Variants in SV2C observed in about 807,000 individuals in gnomAD.
The protein encoded by SV2C is synaptic vesicle glycoprotein 2C.
In SV2C, 49 loss-of-function variants were observed where a neutral mutation model predicts 79.7. The observed-to-expected ratio is 0.61, with a 90% confidence interval of 0.49 to 0.78. The LOEUF (loss-of-function observed/expected upper bound fraction) is 0.78. Among genes scored for constraint, SV2C ranks in the 30% least tolerant of loss-of-function variants. SV2C has a pLI of 0.00. For missense variants in SV2C, 833 were observed against 912.9 expected, an observed-to-expected ratio of 0.91 and a Z score of 1.13; for synonymous variants, 334 against 333.2, an observed-to-expected ratio of 1.00 and a Z score of -0.03.
intron 2 of SV2C, among the ~76,000 whole-genome samples, chr5:76,139,154 C>T (rs534978720): frequency 9.3e-4 from 141 of 151,932 alleles, no homozygotes; most frequent in Non-Finnish European, 1.7e-3. Flanking sequence ...TGAATTGAAA[C>T]TCAGTAGAGG....
At chr5:76,116,770 A>T (rs559093507) in intron 1 of SV2C, among the ~76,000 whole-genome samples, 1 of 152,282 alleles carries the variant, frequency 6.6e-6, no homozygotes, top group East Asian at 1.9e-4. Flanking sequence ...GTTGTAGCTG[A>T]TTATGCTTCA....
At chr5:76,175,668 A>T (rs1553324) in intron 2 of SV2C, among the ~76,000 whole-genome samples, 1 of 152,066 alleles carries the variant, frequency 6.6e-6, no homozygotes, top group African/African-American at 2.4e-5. Context: ...CTACAATTGT[A>T]TGTTAAATTG....
At chr5:76,122,927 A>C (rs556663872) in intron 1 of SV2C, among the ~76,000 whole-genome samples, 1 of 152,342 alleles carries the variant, frequency 6.6e-6, no homozygotes, top group East Asian at 1.9e-4. Flanking sequence ...TAATGAATCC[A>C]GGAGCTGGTT....
chr5:75,958,407 C>A, the SV2C span, among the ~76,000 whole-genome samples: 6 of 152,072 alleles, frequency 3.9e-5, no homozygotes, highest in East Asian at 1.2e-3. Context: ...TGTGGGGGAA[C>A]CTATCTGTCT....
intron 4 of SV2C, among the ~76,000 whole-genome samples, chr5:76,221,241 C>G (rs1745056024): frequency 6.6e-6 from 1 of 152,166 alleles, no homozygotes; most frequent in Non-Finnish European, 1.5e-5. Context: ...GCTGGAGAAA[C>G]AGGCTCAGAA....
At chr5:76,179,420 A>C (rs1368936764) in intron 2 of SV2C, among the ~76,000 whole-genome samples, 2 of 152,214 alleles carry the variant, frequency 1.3e-5, no homozygotes, top group African/African-American at 4.8e-5. Flanking sequence ...TAATTGATTA[A>C]AATTCCTACT....
At chr5:76,195,660 T>G (rs915547266) in intron 3 of SV2C, among the ~76,000 whole-genome samples, 6 of 152,298 alleles carry the variant, frequency 3.9e-5, no homozygotes, top group Admixed American at 1.3e-4. Flanking sequence ...CGATGTTCAT[T>G]TTCTTTAAAG....
chr5:75,973,962 A>G, the SV2C span, among the ~76,000 whole-genome samples: 1 of 152,140 alleles, frequency 6.6e-6, no homozygotes, highest in East Asian at 1.9e-4. Context: ...AGATGGGAAT[A>G]TGGTATTATT....
At chr5:75,996,159 G>A in the SV2C span, among the ~76,000 whole-genome samples, 1 of 152,108 alleles carries the variant, frequency 6.6e-6, no homozygotes, top group Non-Finnish European at 1.5e-5. Context: ...ATTAATTTTT[G>A]TATAAGGTGT....
chr5:76,192,161 G>A (rs1744124382), intron 2 of SV2C, among the ~76,000 whole-genome samples: 1 of 152,206 alleles, frequency 6.6e-6, no homozygotes, highest in South Asian at 2.1e-4. Flanking sequence ...TGTTGTCTGT[G>A]TTATTGGAAA....
In SV2C at chr5:76,138,501, TG is replaced by T. The variant is rs539982511; in HGVS notation, c.580+6172del. Among the ~76,000 whole-genome samples the T allele has an allele frequency of 1.9e-3, 288 of 152,352 alleles. 1 individual carries two copies. Among genetic ancestry groups the T allele is most frequent in the African/African-American group, 6.8e-3 (284 of 41,578 alleles). On this transcript the variant is annotated intron_variant, in intron 2 of 12. Transcript: ENST00000502798. ...TTAATAGAAGATATCACCTGTTTTTTGTAATTATAAACAGTACATAATGGCA... is the reference window on the plus strand; with the variant it reads ...TTAATAGAAGATATCACCTGTTTTTTTAATTATAAACAGTACATAATGGCA...
the SV2C span, among the ~76,000 whole-genome samples, chr5:75,929,704 T>A: frequency 6.6e-6 from 1 of 152,148 alleles, no homozygotes; most frequent in African/African-American, 2.4e-5. Context: ...TAACAATAAT[T>A]TATTGTTTGC....
intron 2 of SV2C, among the ~76,000 whole-genome samples, chr5:76,183,364 G>T (rs1743813261): frequency 6.6e-6 from 1 of 151,470 alleles, no homozygotes; most frequent in Non-Finnish European, 1.5e-5. Flanking sequence ...AGACATAAAG[G>T]ATCCACCCCT....
At position 76,325,504 on chromosome 5, in the gene SV2C, T is replaced by C. The variant is rs1432614415; in HGVS notation, c.2141T>C (p.Val714Ala). 6 of 1,614,034 alleles carry C rather than the reference T, an allele frequency of 3.7e-6. No individual in the cohort carries two copies. The highest frequency in any genetic ancestry group is 1.7e-5 in the Admixed American group (1 of 59,996). ...ACTGTGCTCGTGTGTGGAGGACTCG[T>C]TGGGCTGTGCCTGCCTGACACACGA... ...ASTVLVCGGL[V>A]GLCLPDTRTQ... Residue 714 changes from valine (V) to alanine (A), a missense_variant, in exon 13 of 13, where the codon GTT becomes GCT. Transcript: ENST00000502798.
chr5:76,028,567 T>C, the SV2C span, among the ~76,000 whole-genome samples: 1 of 152,200 alleles, frequency 6.6e-6, no homozygotes, highest in South Asian at 2.1e-4. Flanking sequence ...CATCATGGCC[T>C]GGATTCCAGC....
the SV2C span, among the ~76,000 whole-genome samples, chr5:75,854,554 C>T: frequency 2.0e-5 from 3 of 152,168 alleles, no homozygotes; most frequent in East Asian, 5.8e-4. Context: ...GCCCATCTTT[C>T]CTTGATTTAT....
At chr5:75,998,079 ACTATC>A in the SV2C span, among the ~76,000 whole-genome samples, 1 of 152,258 alleles carries the variant, frequency 6.6e-6, no homozygotes, top group Non-Finnish European at 1.5e-5. Flanking sequence ...TTCTCAGCAA[ACTATC>A]ACAAGGACAA....
At chr5:76,140,624 A>G (rs1469986251) in intron 2 of SV2C, among the ~76,000 whole-genome samples, 2 of 152,154 alleles carry the variant, frequency 1.3e-5, no homozygotes, top group East Asian at 3.9e-4. Flanking sequence ...ACCCCTGCTC[A>G]GTGCTGCCAG....
At chr5:76,179,819 A>G (rs1002947016) in intron 2 of SV2C, among the ~76,000 whole-genome samples, 2 of 152,218 alleles carry the variant, frequency 1.3e-5, no homozygotes, top group Admixed American at 1.3e-4. Flanking sequence ...CTGTTTCAGG[A>G]AACAAAAGGT....
Sources: gnomAD v4.1 joint callset for allele counts (sites outside exome capture counted in the v4.1 genomes callset) on GRCh38, gnomAD v4.1.1 for gene constraint, MANE v1.5 for transcripts, NCBI Gene and HGNC (gene_info 2026-07-23, HGNC 2026-07-21) for gene names.